MAP3K20: variants seen among roughly 807,000 people sequenced by gnomAD.
MAP3K20 encodes the protein mitogen-activated protein kinase kinase kinase 20, also known as HCCS-4.
MAP3K20 carries 40 observed loss-of-function variants against 85.7 expected under a neutral mutation model. That is an observed-to-expected ratio of 0.47 (90% CI 0.36 to 0.61). MAP3K20 has a LOEUF of 0.61. Among genes scored for constraint, MAP3K20 ranks in the 20% least tolerant of loss-of-function variants. The pLI is 0.00. For synonymous variants in MAP3K20, 325 were observed against 327.7 expected (o/e 0.99, Z 0.09); for missense variants, 817 against 961.7 (o/e 0.85, Z 1.99).
At chr2:173,221,062 TG>T in intron 11 of MAP3K20, 6 of 1,172,582 alleles carry the variant, frequency 5.1e-6, no homozygotes, top group Non-Finnish European at 6.8e-6. Flanking sequence ...TCCTGTGTAG[TG>T]CCAACTAATT....
intron 14 of MAP3K20, among the ~76,000 whole-genome samples, chr2:173,235,326 G>C (rs983887385): frequency 6.6e-6 from 1 of 152,168 alleles, no homozygotes; most frequent in Non-Finnish European, 1.5e-5. Flanking sequence ...AGGTATTTGG[G>C]AACAGGTTGT....
At chr2:173,226,559 T>C in intron 11 of MAP3K20, 1 of 985,862 alleles carries the variant, frequency 1.0e-6, no homozygotes, top group Non-Finnish European at 1.2e-6. Context: ...ATTTCTATGA[T>C]GAAAAATGAG....
At chr2:173,230,771 G>A (rs1416510589) in intron 12 of MAP3K20, among the ~76,000 whole-genome samples, 1 of 152,148 alleles carries the variant, frequency 6.6e-6, no homozygotes, top group Non-Finnish European at 1.5e-5. Flanking sequence ...TGAGGCAGGA[G>A]GATCACTTGA....
chr2:173,244,581 A>G (rs985239123), intron 16 of MAP3K20, among the ~76,000 whole-genome samples: 1 of 152,152 alleles, frequency 6.6e-6, no homozygotes, highest in Non-Finnish European at 1.5e-5. Flanking sequence ...CATCTTTATT[A>G]TTGTCTTTGT....
intron 2 of MAP3K20, among the ~76,000 whole-genome samples, chr2:173,137,007 A>G (rs556249067): frequency 9.8e-4 from 149 of 152,186 alleles, no homozygotes; most frequent in Non-Finnish European, 1.8e-3. Flanking sequence ...TGCAAGAAGC[A>G]CCACTTTTTA....
intron 2 of MAP3K20, among the ~76,000 whole-genome samples, chr2:173,123,055 G>T (rs192634479): frequency 1.8e-4 from 28 of 152,282 alleles, no homozygotes; most frequent in African/African-American, 6.5e-4. Flanking sequence ...TAGTTGAGGT[G>T]GTTGGGTATG....
rs990899268 is a variant in MAP3K20 at position 173,227,318 on chromosome 2, AT to A, written c.988-2361del. Among the ~76,000 whole-genome samples, 741 of 150,042 alleles carry A rather than the reference AT, an allele frequency of 4.9e-3. 8 individuals carry two copies. The highest frequency in any genetic ancestry group is 0.017 in the African/African-American group (701 of 40,978). On this transcript the variant is annotated intron_variant, in intron 11 of 19. Transcript: ENST00000375213. ...AAGTGATGGGACAGTCATGGGGTGGATTTTTTTTTTATTCCCTAAAGAAAGA... is the reference window on the plus strand; with the variant it reads ...AAGTGATGGGACAGTCATGGGGTGGATTTTTTTTTATTCCCTAAAGAAAGA...
At chr2:173,148,486 G>T (rs977560383) in intron 2 of MAP3K20, among the ~76,000 whole-genome samples, 2 of 152,192 alleles carry the variant, frequency 1.3e-5, no homozygotes, top group African/African-American at 4.8e-5. Context: ...AGGATGAGTG[G>T]TGTGAGTAGA....
chr2:173,125,511 T>TTG (rs1176214373), intron 2 of MAP3K20, among the ~76,000 whole-genome samples: 1 of 64,366 alleles, frequency 1.6e-5, no homozygotes, highest in Non-Finnish European at 4.2e-5. Flanking sequence ...GTTAGATGTG[T>TTG]TTTTTTTTTA....
chr2:173,219,938 G>C (rs1033543444), intron 11 of MAP3K20, among the ~76,000 whole-genome samples: 2 of 151,842 alleles, frequency 1.3e-5, no homozygotes, highest in Admixed American at 6.6e-5. Context: ...CGTGGTGGCG[G>C]GCGCCTGTAA....
chr2:173,127,102 A>G (rs1299968865), intron 2 of MAP3K20, among the ~76,000 whole-genome samples: 3 of 152,166 alleles, frequency 2.0e-5, no homozygotes, highest in South Asian at 2.1e-4. Context: ...AATAAATACA[A>G]CAAGGAAGAA....
rs1685129083 is a variant in MAP3K20 at position 173,255,148 on chromosome 2, T to C, written c.1360-3551T>C. Among the ~76,000 whole-genome samples the C allele has an allele frequency of 2.0e-5, 3 of 152,218 alleles. No individual in the cohort carries two copies. The South Asian group carries it at 6.2e-4, about 32-fold the overall frequency. ...ATAAAAGGTCTCTAACCCTATTATTTGTATCAGTGTTTCTCCAAAAGTTGG... is the reference window on the plus strand; with the variant it reads ...ATAAAAGGTCTCTAACCCTATTATTCGTATCAGTGTTTCTCCAAAAGTTGG... On this transcript the variant is annotated intron_variant, in intron 16 of 19. Transcript: ENST00000375213.
At chr2:173,128,066 T>G (rs189127704) in intron 2 of MAP3K20, among the ~76,000 whole-genome samples, 8 of 152,330 alleles carry the variant, frequency 5.3e-5, no homozygotes, top group African/African-American at 1.9e-4. Context: ...CTCATACCAG[T>G]TGAAGCCTTT....
chr2:173,258,731 T>C lies in MAP3K20; in HGVS notation c.1392T>C (p.Asp464=). The C allele has an allele frequency of 1.2e-6, 2 of 1,611,620 alleles. No homozygotes were observed. Residue 464 remains aspartate, a synonymous_variant, in exon 17 of 20, where the codon GAT becomes GAC. Coordinates refer to ENST00000375213, the MANE Select transcript of MAP3K20 (RefSeq NM_016653.3). ...DCKWKMYMEM[D]GDEIAITYIK... is the part of the protein sequence containing the mutation. ...AGTGGAAAATGTATATGGAGATGGA[T>C]GGGGATGAAATTGCAATAACCTACA... is the stretch of plus-strand genomic sequence containing the variant.
At chr2:173,077,313 CTAGT>C (rs1211958285) in intron 1 of MAP3K20, among the ~76,000 whole-genome samples, 1 of 144,216 alleles carries the variant, frequency 6.9e-6, no homozygotes, top group Non-Finnish European at 1.5e-5. Flanking sequence ...TGATTCAAGG[CTAGT>C]TAATGTCCTC....
chr2:173,239,528 C>T, intron 16 of MAP3K20, 32 bp downstream of exon 16: 1 of 1,581,082 alleles, frequency 6.3e-7, no homozygotes, highest in Non-Finnish European at 8.6e-7. Flanking sequence ...TTGGATAAAT[C>T]TCAATCGAAC....
At chr2:173,191,005 A>G in intron 6 of MAP3K20, 35 bp from the exon 7 acceptor site, 1 of 1,610,236 alleles carries the variant, frequency 6.2e-7, no homozygotes. Context: ...ATTAGCCAAT[A>G]AGTAGAAAGT....
chr2:173,176,415 G>A lies in MAP3K20; in HGVS notation c.248-6439G>A, dbSNP rs78549963. Among the ~76,000 whole-genome samples, 1,227 of 152,094 alleles carry A rather than the reference G, an allele frequency of 8.1e-3. 14 individuals carry two copies. The highest frequency in any genetic ancestry group is 0.028 in the African/African-American group (1,162 of 41,504). On this transcript the variant is annotated intron_variant, in intron 3 of 19. Transcript: ENST00000375213. Reference sequence around the variant, plus strand: ...TAATATATCACAACAATAGCATAAAGGATAAGGGAGGGAATGGAGTTATAT... The same window carrying A: ...TAATATATCACAACAATAGCATAAAAGATAAGGGAGGGAATGGAGTTATAT...
In MAP3K20 at chr2:173,232,414, G is replaced by T; in HGVS notation, c.1158G>T (p.Leu386=). 6.2e-7 allele frequency: 1 copy of T among 1,614,236 alleles called. No homozygotes were observed. Among genetic ancestry groups the T allele is most frequent in the Non-Finnish European group, 8.5e-7 (1 of 1,180,042 alleles). ...KRLLLLEEED[L]KDMGIVSKGH... The stretch of plus-strand genomic sequence containing the variant: ...TGCTGCTGCTGGAGGAAGAAGACCT[G>T]AAAGACATGGGCATTGTCTCCAAGG... Residue 386 remains leucine, a synonymous_variant, in exon 14 of 20, where the codon CTG becomes CTT. Transcript: ENST00000375213.
Sources: allele counts gnomAD v4.1 joint callset (sites outside exome capture counted in the v4.1 genomes callset), GRCh38; gene constraint gnomAD v4.1.1; transcripts MANE v1.5; gene names NCBI Gene and HGNC (gene_info 2026-07-23, HGNC 2026-07-21).